Variants in SMPD3 observed in about 807,000 individuals in gnomAD.
SMPD3 encodes nSMase-2.
SMPD3 carries 21 observed loss-of-function variants against 55.7 expected under a neutral mutation model. The observed-to-expected ratio is 0.38, with a 90% CI of 0.27 to 0.54. The LOEUF is 0.54. Ranked by LOEUF, SMPD3 falls within the 20% of genes least tolerant of loss-of-function variation. The probability of loss-of-function intolerance (pLI) is 0.80; values close to 1 mark genes in which losing one functional copy is unlikely to be tolerated. For synonymous variants in SMPD3, 457 were observed against 404.3 expected, an observed-to-expected ratio of 1.13 and a Z score of -1.56; for missense variants, 842 against 899.6, an observed-to-expected ratio of 0.94 and a Z score of 0.82.
At chr16:68,366,867 G>C (rs2089493631) in intron 3 of SMPD3, among the ~76,000 whole-genome samples, 2 of 152,164 alleles carry the variant, frequency 1.3e-5, no homozygotes, top group Admixed American at 1.3e-4. Flanking sequence ...AATTAGCCGG[G>C]CGTGGTGGTA....
intron 6 of SMPD3, 89 bp downstream of exon 6, chr16:68,363,688 G>T: frequency 7.0e-7 from 1 of 1,430,738 alleles, no homozygotes; most frequent in Non-Finnish European, 9.6e-7. Flanking sequence ...TTCCCCAGCA[G>T]TGGGGTCTTG....
intron 7 of SMPD3, 129 bp downstream of exon 7, chr16:68,363,367 G>A: frequency 9.8e-7 from 1 of 1,018,598 alleles, no homozygotes; most frequent in East Asian, 2.6e-5. Context: ...GTGAGATGAG[G>A]GACAGGTTTC....
At chr16:68,429,136 T>C (rs1302009989) in intron 1 of SMPD3, among the ~76,000 whole-genome samples, 1 of 152,212 alleles carries the variant, frequency 6.6e-6, no homozygotes, top group Admixed American at 6.5e-5. Context: ...TACCCTGAGA[T>C]GGGGTGCATG....
At chr16:68,427,386 G>A (rs1180308840) in intron 1 of SMPD3, among the ~76,000 whole-genome samples, 3 of 152,188 alleles carry the variant, frequency 2.0e-5, no homozygotes, top group Non-Finnish European at 4.4e-5. Flanking sequence ...GAAGAACTGG[G>A]AGGAATAATG....
At chr16:68,402,401 C>T (rs2090217394) in intron 1 of SMPD3, among the ~76,000 whole-genome samples, 1 of 152,132 alleles carries the variant, frequency 6.6e-6, no homozygotes, top group African/African-American at 2.4e-5. Flanking sequence ...AGAGTCATGA[C>T]TCAACTCAGT....
intron 7 of SMPD3, 63 bp downstream of exon 7, chr16:68,363,433 C>T: frequency 6.3e-7 from 1 of 1,586,014 alleles, no homozygotes; most frequent in Non-Finnish European, 8.7e-7. Flanking sequence ...GGGTCCTGCC[C>T]AGTCCCTGTC....
intron 7 of SMPD3, among the ~76,000 whole-genome samples, chr16:68,362,668 A>T (rs1003138655): frequency 2.0e-5 from 3 of 152,252 alleles, no homozygotes; most frequent in South Asian, 2.1e-4. Context: ...GCCTGCAAAC[A>T]TGGGCTTCCA....
chr16:68,417,950 G>A (rs998748622), intron 1 of SMPD3, among the ~76,000 whole-genome samples: 1 of 152,214 alleles, frequency 6.6e-6, no homozygotes, highest in African/African-American at 2.4e-5. Context: ...GAGTGGGCCT[G>A]ATGCCTGCAT....
intron 7 of SMPD3, among the ~76,000 whole-genome samples, chr16:68,362,689 A>T (rs1793142504): frequency 6.6e-6 from 1 of 152,258 alleles, no homozygotes; most frequent in African/African-American, 2.4e-5. Context: ...CAAGGTTTTC[A>T]TCAGCCTTAA....
At chr16:68,363,450 T>G in intron 7 of SMPD3, 46 bp downstream of exon 7, 1 of 1,603,006 alleles carries the variant, frequency 6.2e-7, no homozygotes, top group Admixed American at 1.7e-5. Context: ...TGTCTCCACC[T>G]TAGTCAGGGT....
intron 1 of SMPD3, among the ~76,000 whole-genome samples, chr16:68,435,728 T>A (rs1000770387): frequency 1.1e-4 from 17 of 152,204 alleles, no homozygotes; most frequent in African/African-American, 4.1e-4. Context: ...AGTGATCCTC[T>A]GCCTGACTCG....
chr16:68,365,746 A>T (rs760522879), intron 3 of SMPD3, among the ~76,000 whole-genome samples: 12 of 152,242 alleles, frequency 7.9e-5, no homozygotes, highest in Admixed American at 3.3e-4. Flanking sequence ...CTGTGGCAGC[A>T]TCCTCTTCAG....
At chr16:68,408,565 A>G (rs983522297) in intron 1 of SMPD3, among the ~76,000 whole-genome samples, 1 of 152,212 alleles carries the variant, frequency 6.6e-6, no homozygotes, top group Non-Finnish European at 1.5e-5. Flanking sequence ...TGACTCTGGG[A>G]TGGCTCCCAT....
At chr16:68,388,496 T>C (rs910752584) in intron 1 of SMPD3, among the ~76,000 whole-genome samples, 3 of 152,182 alleles carry the variant, frequency 2.0e-5, no homozygotes, top group African/African-American at 7.2e-5. Context: ...TTTGGGCCTG[T>C]GTGACTCCCA....
chr16:68,369,439 G>A (rs2089586786), intron 3 of SMPD3: 1 of 140,650 alleles, frequency 7.1e-6, no homozygotes, highest in African/African-American at 2.6e-5. Flanking sequence ...GATCTGTGCA[G>A]AAGTGGGCTG....
rs867784633 is a variant in SMPD3 at position 68,421,061 on chromosome 16, G to A, written c.-269+27292C>T. On this transcript the variant is annotated intron_variant, in intron 1 of 8. Coordinates refer to ENST00000219334, the MANE Select transcript of SMPD3 (RefSeq NM_018667.4). ...CAGCACCCAGAAGCCACTCCCATTT[G>A]AGTCAGGACCAGGCCAACAGCTCTG... Among the ~76,000 whole-genome samples, 11 of 152,304 alleles carry A rather than the reference G, an allele frequency of 7.2e-5. No individual in the cohort carries two copies. In the South Asian group the frequency reaches 1.5e-3, roughly 20 times the overall value.
chr16:68,391,773 C>T (rs977772962), intron 1 of SMPD3, among the ~76,000 whole-genome samples: 2 of 152,100 alleles, frequency 1.3e-5, no homozygotes, highest in African/African-American at 4.8e-5. Flanking sequence ...GTTTGTGTCC[C>T]CAACAAATTT....
chr16:68,363,511 G>T lies in SMPD3; in HGVS notation c.1694C>A (p.Pro565His). 1 of 1,614,070 alleles carries T rather than the reference G, an allele frequency of 6.2e-7. No homozygotes were observed. Among genetic ancestry groups the T allele is most frequent in the Non-Finnish European group, 8.5e-7 (1 of 1,180,008 alleles). Residue 565 changes from proline (P) to histidine (H), a missense_variant, in exon 7 of 9, where the codon CCC becomes CAC. Physicochemically the swap from Pro to His is moderately conservative, Grantham distance 77. Transcript: ENST00000219334. ...CAGTGCTTACTTCTGCAGGTTGTCG[G>T]GGGTGCACACATCCTCATCGTACAG... ...NGLYDEDVCT[P>H]DNLQKVLESE...
In SMPD3 at chr16:68,371,271, T is replaced by C; in HGVS notation, c.911A>G (p.Lys304Arg). 6.2e-7 allele frequency: 1 copy of C among 1,606,236 alleles called. No homozygotes were observed. Among genetic ancestry groups the C allele is most frequent in the Non-Finnish European group, 8.5e-7 (1 of 1,178,806 alleles). Residue 304 changes from lysine to arginine, a missense_variant, in exon 3 of 9, where the codon AAG (lysine) becomes AGG (arginine). Physicochemically the swap from Lys to Arg is conservative, Grantham distance 26 (BLOSUM62 2). Coordinates refer to ENST00000219334, the MANE Select transcript of SMPD3 (RefSeq NM_018667.4). ...SPSASRESLV[K>R]GRAGPDTSAS... The stretch of plus-strand genomic sequence containing the variant: ...ACTGGTGTCTGGCCCAGCTCGCCCC[T>C]TCACCAGGGACTCCCGGGAGGCCGA...
Sources: allele counts gnomAD v4.1 joint callset (sites outside exome capture counted in the v4.1 genomes callset), GRCh38; gene constraint gnomAD v4.1.1; transcripts MANE v1.5; gene names NCBI Gene and HGNC (gene_info 2026-07-23, HGNC 2026-07-21).